ELOVL6: variants seen among roughly 807,000 people sequenced by gnomAD.
ELOVL6 encodes the protein very long chain fatty acid elongase 6.
In ELOVL6, 8 loss-of-function variants were observed where a neutral mutation model predicts 31.7. The ratio of observed to expected loss-of-function variants is 0.25; its 90% CI spans 0.15 to 0.45. The LOEUF is 0.45. Ranked by LOEUF, ELOVL6 falls within the 20% of genes least tolerant of loss-of-function variation. The pLI, the probability that ELOVL6 is intolerant of heterozygous loss-of-function variation, is 1.00. For missense variants in ELOVL6, 126 were observed against 326.4 expected (o/e 0.39, Z 4.73); for synonymous variants, 101 against 117.7 (o/e 0.86, Z 0.92).
At position 110,051,775 on chromosome 4, in the gene ELOVL6, G is replaced by C. The variant is rs777594876; in HGVS notation, c.374-13C>G. 4 of 1,606,580 alleles carry C rather than the reference G, an allele frequency of 2.5e-6. No individual in the cohort carries two copies. Among genetic ancestry groups the C allele is most frequent in the Middle Eastern group, 1.7e-4 (1 of 5,802 alleles). On this transcript the variant is annotated splice_polypyrimidine_tract_variant and intron_variant, in intron 3 of 3. Transcript: ENST00000302274. This position sits in a 1 kb window ranked among gnomAD's most constrained non-coding sequence, Gnocchi z 4.8. Reference sequence around the variant, plus strand: ...AATATTGTATCTCCTGGAAGACAAAGAGGAAGAAGGTACGTGAGATCCTTG... The same window carrying C: ...AATATTGTATCTCCTGGAAGACAAACAGGAAGAAGGTACGTGAGATCCTTG...
chr4:110,083,511 A>C (rs1437829408), intron 2 of ELOVL6, among the ~76,000 whole-genome samples: 1 of 151,612 alleles, frequency 6.6e-6, no homozygotes, highest in Non-Finnish European at 1.5e-5. Context: ...CATGGACTAC[A>C]GCTTATAGGG....
chr4:110,059,836 G>GAT, intron 2 of ELOVL6, 82 bp from the exon 3 acceptor site: 2 of 1,304,176 alleles, frequency 1.5e-6, no homozygotes, highest in Non-Finnish European at 2.1e-6. Flanking sequence ...AAGACTGGTT[G>GAT]GCCACTGGCA....
chr4:110,124,859 G>C (rs1757451713), intron 1 of ELOVL6, among the ~76,000 whole-genome samples: 1 of 152,094 alleles, frequency 6.6e-6, no homozygotes, highest in Admixed American at 6.5e-5. Context: ...CATTAATTCT[G>C]CTTCACTGGC....
intron 2 of ELOVL6, among the ~76,000 whole-genome samples, chr4:110,083,239 A>T (rs1002714800): frequency 6.6e-6 from 1 of 151,774 alleles, no homozygotes; most frequent in Non-Finnish European, 1.5e-5. Flanking sequence ...GTGCCACAGG[A>T]TAACAAAACC....
intron 2 of ELOVL6, among the ~76,000 whole-genome samples, chr4:110,081,280 G>A (rs934078790): frequency 2.0e-5 from 3 of 152,146 alleles, no homozygotes; most frequent in East Asian, 3.8e-4. Context: ...AGCCTGCATT[G>A]CCAAGTCAAT....
chr4:110,069,969 A>G lies in ELOVL6; in HGVS notation c.222-10215T>C, dbSNP rs1755422102. On this transcript the variant is annotated intron_variant, in intron 2 of 3. Coordinates refer to ENST00000302274, the MANE Select transcript of ELOVL6 (RefSeq NM_024090.3). ...CCCACTCCATGAGCCTGGGGATGACACTGCTTAGGCAGCTGATAAAGAACG... is the reference window on the plus strand; with the variant it reads ...CCCACTCCATGAGCCTGGGGATGACGCTGCTTAGGCAGCTGATAAAGAACG... Among the ~76,000 whole-genome samples, 4 of 152,284 alleles carry G rather than the reference A, an allele frequency of 2.6e-5. No homozygotes were observed. The South Asian group carries it at 8.3e-4, about 32-fold the overall frequency.
chr4:110,197,218 A>G (rs1489849205), intron 1 of ELOVL6, among the ~76,000 whole-genome samples: 2 of 152,154 alleles, frequency 1.3e-5, no homozygotes, highest in African/African-American at 4.8e-5. Context: ...CTTGAACTTT[A>G]CAGATCGCCA....
At chr4:110,102,363 G>A (rs1756771835) in intron 2 of ELOVL6, among the ~76,000 whole-genome samples, 1 of 152,122 alleles carries the variant, frequency 6.6e-6, no homozygotes, top group African/African-American at 2.4e-5. Context: ...AAAGTAAATG[G>A]GGAGTTACTG....
intron 2 of ELOVL6, among the ~76,000 whole-genome samples, chr4:110,093,361 A>C (rs1313036440): frequency 6.6e-6 from 1 of 152,224 alleles, no homozygotes; most frequent in African/African-American, 2.4e-5. Flanking sequence ...TTATAAATAG[A>C]AAGGAAAATT....
chr4:110,187,847 A>G (rs62326658), intron 1 of ELOVL6, among the ~76,000 whole-genome samples: 9,731 of 152,240 alleles, frequency 0.064, 333 homozygotes, highest in South Asian at 0.12. Flanking sequence ...AAGGAAATGG[A>G]GCAAAATAAC....
chr4:110,141,683 G>A (rs1401927971), intron 1 of ELOVL6, among the ~76,000 whole-genome samples: 4 of 147,372 alleles, frequency 2.7e-5, no homozygotes, highest in Non-Finnish European at 4.5e-5. Context: ...TATATATATA[G>A]TATTAGTATA....
chr4:110,095,536 G>A (rs543213919), intron 2 of ELOVL6, among the ~76,000 whole-genome samples: 1 of 151,210 alleles, frequency 6.6e-6, no homozygotes, highest in East Asian at 2.0e-4. Flanking sequence ...TGTCTGTTTT[G>A]CAGGAAAAGA....
At chr4:110,148,668 T>G (rs988248020) in intron 1 of ELOVL6, among the ~76,000 whole-genome samples, 1 of 152,116 alleles carries the variant, frequency 6.6e-6, no homozygotes, top group African/African-American at 2.4e-5. Flanking sequence ...GATAAATGCT[T>G]GAGGGGATGG....
intron 2 of ELOVL6, among the ~76,000 whole-genome samples, chr4:110,062,548 T>C (rs1755177098): frequency 6.6e-6 from 1 of 152,218 alleles, no homozygotes; most frequent in Non-Finnish European, 1.5e-5. Flanking sequence ...CAGTGTCACA[T>C]CGTGACACTT....
At chr4:110,190,027 C>A (rs1397117775) in intron 1 of ELOVL6, among the ~76,000 whole-genome samples, 1 of 151,442 alleles carries the variant, frequency 6.6e-6, no homozygotes, top group Non-Finnish European at 1.5e-5. Context: ...AGATCTCCCT[C>A]CCCAAAATAT....
In ELOVL6 at chr4:110,136,652, CATT is replaced by C. The variant is rs1387894401; in HGVS notation, c.90-31027_90-31025del. On this transcript the variant is annotated intron_variant, in intron 1 of 3. Transcript: ENST00000302274. ...AGCTGCACCCAATGATCACAGTGAACATTATTTTACATTCTAAATAACTGGTGC... is the reference window on the plus strand; with the variant it reads ...AGCTGCACCCAATGATCACAGTGAACATTTTACATTCTAAATAACTGGTGC... 2.0e-5 allele frequency among the ~76,000 whole-genome samples: 3 copies of C among 152,166 alleles called. No homozygotes were observed. In the East Asian group the frequency reaches 5.8e-4, roughly 29 times the overall value.
At chr4:110,083,664 A>C (rs1450825634) in intron 2 of ELOVL6, among the ~76,000 whole-genome samples, 1 of 151,708 alleles carries the variant, frequency 6.6e-6, no homozygotes. Flanking sequence ...TGGTGAAAGG[A>C]CTGTAGTAAT....
In ELOVL6 at chr4:110,077,486, A is replaced by G. The variant is rs369907207; in HGVS notation, c.222-17732T>C. On this transcript the variant is annotated intron_variant, in intron 2 of 3. Transcript: ENST00000302274. The stretch of plus-strand genomic sequence containing the variant: ...TGATACCCAGGCAAACAGGGTCTGG[A>G]GTGGACCTCCAGCAAACTCCAACAG... 2.6e-5 allele frequency among the ~76,000 whole-genome samples: 4 copies of G among 152,180 alleles called. No individual in the cohort carries two copies. The East Asian group carries it at 5.8e-4, about 22-fold the overall frequency.
At chr4:110,115,082 G>A (rs552715502) in intron 1 of ELOVL6, among the ~76,000 whole-genome samples, 1 of 152,108 alleles carries the variant, frequency 6.6e-6, no homozygotes, top group Non-Finnish European at 1.5e-5. Context: ...AAAATAAAAT[G>A]AAGGGGAAAA....
Sources: gnomAD v4.1 joint callset for allele counts (sites outside exome capture counted in the v4.1 genomes callset) on GRCh38, gnomAD v4.1.1 for gene constraint, Gnocchi (gnomAD v3.1) non-coding constraint, MANE v1.5 for transcripts, NCBI Gene and HGNC (gene_info 2026-07-23, HGNC 2026-07-21) for gene names.